Variants in COL4A1 observed in about 807,000 individuals in gnomAD.
COL4A1 encodes collagen alpha-1(IV) chain.
COL4A1 carries 40 observed loss-of-function variants against 216.6 expected under a neutral mutation model. The ratio of observed to expected loss-of-function variants is 0.18; its 90% CI spans 0.14 to 0.24. The LOEUF (loss-of-function observed/expected upper bound fraction) is 0.24. Ranked by LOEUF, COL4A1 falls within the 10% of genes least tolerant of loss-of-function variation. The pLI is 1.00. For missense variants in COL4A1, 1,628 were observed against 2,196.8 expected, an observed-to-expected ratio of 0.74 and a Z score of 5.18; for synonymous variants, 839 against 810.7, an observed-to-expected ratio of 1.03 and a Z score of -0.59.
At position 110,172,669 on chromosome 13, in the gene COL4A1, T is replaced by C. The variant is rs779731235; in HGVS notation, c.3556+51A>G. The C allele has an allele frequency of 7.7e-6, 12 of 1,554,980 alleles. No homozygotes were observed. In the East Asian group the frequency reaches 2.7e-4, roughly 35 times the overall value. On this transcript the variant is annotated intron_variant, in intron 41 of 51. Transcript: ENST00000375820. ...AAGACACTGCCCCTTGTTCTGCTAATCAGGCAGCAGCGGTTGGTTGAAAAG... is the reference window on the plus strand; with the variant it reads ...AAGACACTGCCCCTTGTTCTGCTAACCAGGCAGCAGCGGTTGGTTGAAAAG...
chr13:110,169,929 G>GAGGGAGGGAGGAAGGGGGGA (rs150774157), intron 42 of COL4A1, among the ~76,000 whole-genome samples, 167 bp from the exon 43 acceptor site: 1 of 140,504 alleles, frequency 7.1e-6, no homozygotes, highest in Non-Finnish European at 1.5e-5. Context: ...AGGAAGGAAG[G>GAGGGAGGGAGGAAGGGGGGA]AGGGAGGGAG....
At chr13:110,217,794 A>G (rs1880162572) in intron 2 of COL4A1, among the ~76,000 whole-genome samples, 1 of 152,248 alleles carries the variant, frequency 6.6e-6, no homozygotes, top group Non-Finnish European at 1.5e-5. Flanking sequence ...ATGAAAGAAT[A>G]CAACATGGAG....
intron 2 of COL4A1, among the ~76,000 whole-genome samples, chr13:110,235,895 T>C (rs1329576142): frequency 6.6e-6 from 1 of 152,138 alleles, no homozygotes; most frequent in African/African-American, 2.4e-5. Context: ...GTTACCCATG[T>C]GTAAATTAGA....
intron 1 of COL4A1, among the ~76,000 whole-genome samples, chr13:110,260,017 A>G (rs1416122938): frequency 6.6e-6 from 1 of 151,380 alleles, no homozygotes. Flanking sequence ...CTAATCTTAC[A>G]TCTCTCTCAT....
At chr13:110,235,145 A>C (rs1430076356) in intron 2 of COL4A1, among the ~76,000 whole-genome samples, 2 of 152,334 alleles carry the variant, frequency 1.3e-5, no homozygotes, top group Admixed American at 6.5e-5. Flanking sequence ...TTAAGTACTT[A>C]ATAAATTACT....
Position 110,201,456 on chromosome 13 carries a change from C to T in COL4A1, c.1066G>A (p.Gly356Arg), listed in dbSNP as rs769853923. The T allele has an allele frequency of 6.2e-7, 1 of 1,613,936 alleles. No homozygotes were observed. The highest frequency in any genetic ancestry group is 2.2e-5 in the East Asian group (1 of 44,826). Residue 356 changes from glycine (G) to arginine (R), a missense_variant, in exon 19 of 52, where the codon GGA (glycine) becomes AGA (arginine). Physicochemically the swap from Gly to Arg is moderately radical, Grantham distance 125. Around this residue, in one of 8 missense-constraint regions of COL4A1, gnomAD observed 701 missense variants for 892.5 expected, o/e 0.79. Coordinates refer to ENST00000375820, the MANE Select transcript of COL4A1 (RefSeq NM_001845.6). ...RGYPGTPGPRGEPGPKGFPGL... is the reference protein window; with the variant it reads ...RGYPGTPGPRREPGPKGFPGL... ...AAGCTACCTTTTGGGCCTGGCTCTCCTCTTGGCCCCGGAGTTCCAGGGTAG... is the reference window on the plus strand; with the variant it reads ...AAGCTACCTTTTGGGCCTGGCTCTCTTCTTGGCCCCGGAGTTCCAGGGTAG...
Position 110,167,608 on chromosome 13 carries a change from C to A in COL4A1, c.3877-378G>T, listed in dbSNP as rs1470426. Among the ~76,000 whole-genome samples, 1,356 of 152,312 alleles carry A rather than the reference C, an allele frequency of 8.9e-3. 58 individuals carry two copies. In the East Asian group the frequency reaches 0.099, roughly 11 times the overall value. On this transcript the variant is annotated intron_variant, in intron 43 of 51. Transcript: ENST00000375820. ...TAGCCATCCAGCACCAGCCAACGAG[C>A]TTTTCTGAAAACTTTCCCCTTAATC...
At chr13:110,218,383 G>A (rs1194058635) in intron 2 of COL4A1, among the ~76,000 whole-genome samples, 1 of 152,116 alleles carries the variant, frequency 6.6e-6, no homozygotes, top group Non-Finnish European at 1.5e-5. Flanking sequence ...ACGGGTACCG[G>A]GTTTGGTACT....
At position 110,244,924 on chromosome 13, in the gene COL4A1, C is replaced by A. The variant is rs143601529; in HGVS notation, c.85-2190G>T. Among the ~76,000 whole-genome samples the A allele has an allele frequency of 1.5e-3, 229 of 152,280 alleles. 1 individual carries two copies. In the Middle Eastern group the frequency reaches 0.017, roughly 11 times the overall value. ...CCCAATTCCAGAGTTGTTAAAACAT[C>A]AATAAATGCACATCTTAGAATTGAT... is the stretch of plus-strand genomic sequence containing the variant. On this transcript the variant is annotated intron_variant, in intron 1 of 51. Coordinates refer to ENST00000375820, the MANE Select transcript of COL4A1 (RefSeq NM_001845.6).
chr13:110,250,064 A>G (rs533731246), intron 1 of COL4A1, among the ~76,000 whole-genome samples: 2 of 152,310 alleles, frequency 1.3e-5, no homozygotes, highest in Non-Finnish European at 2.9e-5. Context: ...CCCTGAAAGG[A>G]CAACTTAGGT....
rs536855906 is a variant in COL4A1, at chr13:110,174,516, C to T, written c.3336G>A (p.Gly1112=). The T allele has an allele frequency of 1.2e-6, 2 of 1,614,070 alleles. No individual in the cohort carries two copies. The highest frequency in any genetic ancestry group is 2.2e-5 in the East Asian group (1 of 44,868). ...PGSVGYPGSP[G]LPGEKGDKGL... ...CTTTGTCACCTTTTTCTCCAGGTAGCCCAGGACTTCCTAAAGAAAAAAACA... is the reference window on the plus strand; with the variant it reads ...CTTTGTCACCTTTTTCTCCAGGTAGTCCAGGACTTCCTAAAGAAAAAAACA... Residue 1112 remains glycine, a synonymous_variant, in exon 39 of 52, where the codon GGG becomes GGA. Coordinates refer to ENST00000375820, the MANE Select transcript of COL4A1 (RefSeq NM_001845.6).
chr13:110,253,361 T>C (rs367769450), intron 1 of COL4A1, among the ~76,000 whole-genome samples: 1 of 34,008 alleles, frequency 2.9e-5, no homozygotes, highest in South Asian at 1.3e-3. Context: ...ATTATATGTA[T>C]TACATATACA....
rs753795446 is a variant in COL4A1 at position 110,162,381 on chromosome 13, T to A, written c.4311A>T (p.Pro1437=). 1.2e-6 allele frequency: 2 copies of A among 1,614,062 alleles called. No homozygotes were observed. The highest frequency in any genetic ancestry group is 1.7e-6 in the Non-Finnish European group (2 of 1,180,010). Residue 1437 remains proline (P), a synonymous_variant, in exon 48 of 52, where the codon CCA becomes CCT. Transcript: ENST00000375820. Reference sequence around the variant, plus strand: ...AGCCGTGATCAACAGATGGGGTGCCTGGGGGCCCCATGGATCCTGGCAACC... The same window carrying A: ...AGCCGTGATCAACAGATGGGGTGCCAGGGGGCCCCATGGATCCTGGCAACC... ...PDGLPGSMGP[P]GTPSVDHGFL...
At chr13:110,176,588 G>A in intron 35 of COL4A1, 38 bp downstream of exon 35, 1 of 1,597,878 alleles carries the variant, frequency 6.3e-7, no homozygotes, top group African/African-American at 1.3e-5. Context: ...CTCATCCTGA[G>A]CCCTTGCCAC....
At chr13:110,213,410 A>C (rs1318115013) in intron 4 of COL4A1, among the ~76,000 whole-genome samples, 6 of 152,216 alleles carry the variant, frequency 3.9e-5, no homozygotes, top group Admixed American at 2.0e-4. Context: ...GGCTCTGAAA[A>C]TACCATGACT....
In COL4A1 at chr13:110,173,909, C is replaced by A. The variant is rs763828053; in HGVS notation, c.3496G>T (p.Gly1166Cys). The A allele has an allele frequency of 6.2e-7, 1 of 1,614,200 alleles. No individual in the cohort carries two copies. The highest frequency in any genetic ancestry group is 2.2e-5 in the East Asian group (1 of 44,880). Residue 1166 changes from glycine to cysteine, a missense_variant, in exon 40 of 52, where the codon GGT becomes TGT. Gly to Cys is a radical substitution (Grantham distance 159). Transcript: ENST00000375820. ...GGGCGTTGGGCCATACCTGGTTCACCCTTCTCTCCTGCTGACCCCGGGATT... is the reference window on the plus strand; with the variant it reads ...GGGCGTTGGGCCATACCTGGTTCACACTTCTCTCCTGCTGACCCCGGGATT... ...DGIPGSAGEK[G>C]EPGLPGRGFP...
intron 1 of COL4A1, among the ~76,000 whole-genome samples, chr13:110,300,045 A>G (rs776966050): frequency 1.3e-5 from 2 of 152,236 alleles, no homozygotes; most frequent in Non-Finnish European, 2.9e-5. Context: ...ATTGTTTTAT[A>G]TTACATAGTA....
intron 4 of COL4A1, among the ~76,000 whole-genome samples, 180 bp downstream of exon 4, chr13:110,213,602 G>T (rs1373454200): frequency 6.6e-6 from 1 of 152,198 alleles, no homozygotes; most frequent in Non-Finnish European, 1.5e-5. Flanking sequence ...AAGGACTGGG[G>T]CTCAGGGAGT....
intron 1 of COL4A1, among the ~76,000 whole-genome samples, chr13:110,262,023 A>G (rs1882848857): frequency 6.6e-6 from 1 of 152,202 alleles, no homozygotes; most frequent in Non-Finnish European, 1.5e-5. Context: ...GAATTTAGAA[A>G]CATGCAGGAG....
Sources: allele counts gnomAD v4.1 joint callset (sites outside exome capture counted in the v4.1 genomes callset), GRCh38; gene constraint gnomAD v4.1.1; regional missense constraint gnomAD v4.1.1; transcripts MANE v1.5; gene names NCBI Gene and HGNC (gene_info 2026-07-23, HGNC 2026-07-21).